ARHGAP25: variants seen among roughly 807,000 people sequenced by gnomAD.
The protein encoded by ARHGAP25 is Rho GTPase activating protein 25.
Under a neutral mutation model 71.0 loss-of-function variants are expected in ARHGAP25, and 34 were observed. The ratio of observed to expected loss-of-function variants is 0.48; its 90% CI spans 0.36 to 0.64. ARHGAP25 has a LOEUF of 0.64. ARHGAP25 is among the 30% of genes least tolerant of loss of function. ARHGAP25 has a pLI of 0.00. For synonymous variants in ARHGAP25, 282 were observed against 296.5 expected, an observed-to-expected ratio of 0.95 and a Z score of 0.50; for missense variants, 706 against 805.1, an observed-to-expected ratio of 0.88 and a Z score of 1.49.
chr2:68,788,072 T>C, intron 4 of ARHGAP25, 116 bp downstream of exon 4: 1 of 805,534 alleles, frequency 1.2e-6, no homozygotes, highest in Non-Finnish European at 2.1e-6. Context: ...CAGAAAGCAG[T>C]TCTCTGCATG....
rs1165112054 is a variant in ARHGAP25, at chr2:68,727,075, C to T, written c.-18+16377C>T. 4.6e-5 allele frequency among the ~76,000 whole-genome samples: 7 copies of T among 152,266 alleles called. 1 individual carries two copies. The South Asian group carries it at 1.0e-3, about 23-fold the overall frequency. On this transcript the variant is annotated intron_variant and NMD_transcript_variant, in intron 2 of 7. Transcript: ENST00000463483. ...TGTCTCCAAATGCTATATTCCAGGA[C>T]GTACATGCTGAGGCATCTGTCAGTC...
upstream of ARHGAP25, among the ~76,000 whole-genome samples, chr2:68,731,421 C>A (rs1259766600): frequency 6.6e-6 from 1 of 151,964 alleles, no homozygotes; most frequent in Non-Finnish European, 1.5e-5. Context: ...CCCATGCTGC[C>A]GACCTCTCTC....
chr2:68,808,590 G>A (rs1449114818), intron 5 of ARHGAP25, among the ~76,000 whole-genome samples: 1 of 152,204 alleles, frequency 6.6e-6, no homozygotes, highest in Non-Finnish European at 1.5e-5. Flanking sequence ...AGCAAGAGAT[G>A]GGGTTCTTAT....
chr2:68,761,705 A>G (rs774625606), intron 1 of ARHGAP25, among the ~76,000 whole-genome samples: 2 of 152,208 alleles, frequency 1.3e-5, no homozygotes, highest in Non-Finnish European at 2.9e-5. Context: ...ACCCATTATG[A>G]TGGCTGCTAT....
At chr2:68,795,830 T>C (rs1273110078) in intron 4 of ARHGAP25, among the ~76,000 whole-genome samples, 1 of 152,222 alleles carries the variant, frequency 6.6e-6, no homozygotes, top group Non-Finnish European at 1.5e-5. Flanking sequence ...TCTGTCTAGA[T>C]GATCTGGGTA....
intron 1 of ARHGAP25, among the ~76,000 whole-genome samples, chr2:68,752,619 T>C (rs1052278191): frequency 6.6e-6 from 1 of 152,156 alleles, no homozygotes; most frequent in Non-Finnish European, 1.5e-5. Context: ...ACTCAAGCTG[T>C]GTCTATTTCA....
intron 1 of ARHGAP25, among the ~76,000 whole-genome samples, chr2:68,754,811 G>C (rs1676383833): frequency 6.6e-6 from 1 of 152,078 alleles, no homozygotes; most frequent in Admixed American, 6.6e-5. Flanking sequence ...ATCTCATCTT[G>C]ATTTTAATTT....
intron 10 of ARHGAP25, among the ~76,000 whole-genome samples, chr2:68,823,119 C>T (rs938940804): frequency 8.5e-5 from 13 of 152,144 alleles, no homozygotes; most frequent in African/African-American, 3.1e-4. Context: ...CAATAATTTC[C>T]AAACAGTGGT....
At chr2:68,747,237 A>G (rs1400530413) in intron 1 of ARHGAP25, among the ~76,000 whole-genome samples, 1 of 151,826 alleles carries the variant, frequency 6.6e-6, no homozygotes, top group Non-Finnish European at 1.5e-5. Context: ...CCCTTACCTC[A>G]TTAGTTACTC....
At chr2:68,765,780 T>C in intron 1 of ARHGAP25, among the ~76,000 whole-genome samples, 1 of 152,214 alleles carries the variant, frequency 6.6e-6, no homozygotes, top group East Asian at 1.9e-4. Context: ...GAGAAACATA[T>C]TATGACTCGT....
chr2:68,822,695 C>A lies in ARHGAP25; in HGVS notation c.1556C>A (p.Ala519Glu), dbSNP rs753066819. ...GGGTCCCCTGGGGAGGAAGCCAGTG[C>A]ACTCTCTTCCCAAGCCTGTGACTCC... ...LPGSPGEEAS[A>E]LSSQACDSKG... The change falls in exon 10 of 11, where the codon GCA becomes GAA. Residue 519 changes from alanine to glutamate, a missense_variant. By Grantham distance (107) the Ala-to-Glu change is moderately radical (BLOSUM62 -1). Coordinates refer to ENST00000409202, the MANE Select transcript of ARHGAP25 (RefSeq NM_001007231.3). 2 of 1,614,062 alleles carry A rather than the reference C, an allele frequency of 1.2e-6. No homozygotes were observed. Among genetic ancestry groups the A allele is most frequent in the African/African-American group, 1.3e-5 (1 of 74,934 alleles).
chr2:68,719,326 G>A (rs758369983), intron 2 of ARHGAP25, among the ~76,000 whole-genome samples: 20 of 151,312 alleles, frequency 1.3e-4, no homozygotes, highest in East Asian at 7.8e-4. Flanking sequence ...GAAAGACTGC[G>A]CCCTTCGTCT....
chr2:68,775,960 T>C (rs1677871363), intron 2 of ARHGAP25, among the ~76,000 whole-genome samples: 1 of 151,884 alleles, frequency 6.6e-6, no homozygotes, highest in Non-Finnish European at 1.5e-5. Context: ...GAGGAAAAAA[T>C]AGGATGAGCT....
At chr2:68,756,791 AC>A (rs1676506921) in intron 1 of ARHGAP25, among the ~76,000 whole-genome samples, 1 of 152,210 alleles carries the variant, frequency 6.6e-6, no homozygotes, top group Non-Finnish European at 1.5e-5. Flanking sequence ...CGTATGGCCC[AC>A]TCAAAGGGGA....
At chr2:68,814,992 G>T (rs1408066502) in intron 6 of ARHGAP25, among the ~76,000 whole-genome samples, 1 of 152,178 alleles carries the variant, frequency 6.6e-6, no homozygotes, top group Non-Finnish European at 1.5e-5. Context: ...GGTTTAAAAG[G>T]CAGCTAAAAA....
intron 1 of ARHGAP25, among the ~76,000 whole-genome samples, chr2:68,759,329 C>G (rs57222104): frequency 0.027 from 4,060 of 151,018 alleles, 199 homozygotes; most frequent in African/African-American, 0.094. Context: ...AATTTACAAG[C>G]CTTTTGGTAG....
intron 1 of ARHGAP25, among the ~76,000 whole-genome samples, chr2:68,745,105 C>A (rs1232482459): frequency 6.6e-6 from 1 of 152,156 alleles, no homozygotes; most frequent in Non-Finnish European, 1.5e-5. Context: ...TGATTTCCAG[C>A]TCAACCTTTT....
In ARHGAP25 at chr2:68,784,190, T is replaced by TCACA. The variant is rs550738447; in HGVS notation, c.349+1886_349+1889dup. 1.2e-3 allele frequency among the ~76,000 whole-genome samples: 187 copies of TCACA among 150,154 alleles called. No homozygotes were observed. The Middle Eastern group carries it at 0.014, about 11-fold the overall frequency. Reference sequence around the variant, plus strand: ...CTCTCTCTCTTTCTCTCTCTCTCTCTCACACACACACACACACACCACATC... The same window carrying TCACA: ...CTCTCTCTCTTTCTCTCTCTCTCTCTCACACACACACACACACACACACCACATC... On this transcript the variant is annotated intron_variant, in intron 3 of 10. Coordinates refer to ENST00000409202, the MANE Select transcript of ARHGAP25 (RefSeq NM_001007231.3).
At chr2:68,742,405 A>T (rs921948080) in intron 1 of ARHGAP25, among the ~76,000 whole-genome samples, 5 of 152,254 alleles carry the variant, frequency 3.3e-5, no homozygotes, top group African/African-American at 1.2e-4. Flanking sequence ...GTGGTTAAAA[A>T]GCTGGCTTTG....
Sources: gnomAD v4.1 joint callset for allele counts (sites outside exome capture counted in the v4.1 genomes callset) on GRCh38, gnomAD v4.1.1 for gene constraint, MANE v1.5 for transcripts, NCBI Gene and HGNC (gene_info 2026-07-23, HGNC 2026-07-21) for gene names.